NEIL1: variants seen among roughly 807,000 people sequenced by gnomAD.
NEIL1 encodes the protein nei like DNA glycosylase 1, also known as endonuclease 8-like 1.
In NEIL1, 31 loss-of-function variants were observed where a neutral mutation model predicts 44.2. The ratio of observed to expected loss-of-function variants is 0.70; its 90% CI spans 0.53 to 0.95. NEIL1 has a LOEUF of 0.95. Among genes scored for constraint, NEIL1 ranks in the 40% least tolerant of loss-of-function variants. The pLI, the probability that NEIL1 is intolerant of heterozygous loss-of-function variation, is 0.00. For missense variants in NEIL1, 549 were observed against 515.5 expected, an observed-to-expected ratio of 1.07 and a Z score of -0.63; for synonymous variants, 254 against 209.7, an observed-to-expected ratio of 1.21 and a Z score of -1.83.
At chr15:75,352,826 C>T in intron 5 of NEIL1, 125 bp downstream of exon 5, 1 of 746,252 alleles carries the variant, frequency 1.3e-6, no homozygotes, top group Non-Finnish European at 2.3e-6. Context: ...ACTCAATGGA[C>T]TAGGCCTCCT....
At position 75,352,653 on chromosome 15, in the gene NEIL1, G is replaced by T; in HGVS notation, c.670G>T (p.Asp224Tyr). The T allele has an allele frequency of 1.2e-6, 2 of 1,613,474 alleles. No homozygotes were observed. The highest frequency in any genetic ancestry group is 1.7e-6 in the Non-Finnish European group (2 of 1,179,722). ...QKIRTKLQNP[D>Y]LLELCHSVPK... Reference sequence around the variant, plus strand: ...GATAAGGACCAAGCTGCAGAATCCAGACCTGCTGGAGCTATGTCACTCAGT... The same window carrying T: ...GATAAGGACCAAGCTGCAGAATCCATACCTGCTGGAGCTATGTCACTCAGT... The change falls in exon 5 of 10, where the codon GAC (aspartate) becomes TAC (tyrosine). Residue 224 changes from aspartate (D) to tyrosine (Y), a missense_variant. Asp to Tyr is a radical substitution (Grantham distance 160, BLOSUM62 -3). Transcript: ENST00000355059.
At position 75,356,115 on chromosome 15, in the gene NEIL1, G is replaced by A. The variant is rs1426455057; in HGVS notation, c.*1081G>A. The A allele has an allele frequency of 5.0e-6, 8 of 1,613,896 alleles. No individual in the cohort carries two copies. The highest frequency in any genetic ancestry group is 5.9e-6 in the Non-Finnish European group (7 of 1,179,992). ...AATCCCACACCGCCACTCACAGGAT[G>A]GCCTCCTGAACCGGCAGCGACAAGT... On this transcript the variant is annotated 3_prime_UTR_variant, in exon 10 of 10. Coordinates refer to ENST00000355059, the MANE Select transcript of NEIL1 (RefSeq NM_024608.4). The surrounding 1 kb of genome is among the most constrained non-coding windows in gnomAD (Gnocchi z 5.8).
chr15:75,353,039 G>A (rs2072046900), intron 5 of NEIL1: 1 of 236,382 alleles, frequency 4.2e-6, no homozygotes, highest in Non-Finnish European at 8.4e-6. Context: ...TACTCGGGAG[G>A]ATGAGGCAGG....
Position 75,349,228 on chromosome 15 carries a change from C to T in NEIL1, c.323C>T (p.Pro108Leu), listed in dbSNP as rs375734699. 6.8e-6 allele frequency: 11 copies of T among 1,610,024 alleles called. No individual in the cohort carries two copies. In the African/African-American group the frequency reaches 9.3e-5, roughly 14 times the overall value. ...CGCTTTTACACGGCCCCGCCTGGCC[C>T]CCGGCTCGCCCTATGTTTCGTGGAC... ...HLRFYTAPPG[P>L]RLALCFVDIR... Residue 108 changes from proline to leucine, a missense_variant, in exon 2 of 10, where the codon CCC becomes CTC. Pro to Leu is a moderately conservative substitution (Grantham distance 98). Coordinates refer to ENST00000355059, the MANE Select transcript of NEIL1 (RefSeq NM_024608.4).
At position 75,349,192 on chromosome 15, in the gene NEIL1, A is replaced by G; in HGVS notation, c.287A>G (p.His96Arg). ...GTGCCCCGCGAGGAGCTGCCACGCC[A>G]TGCCCACCTGCGCTTTTACACGGCC... Reference protein sequence around the residue: ...QLVPREELPRHAHLRFYTAPP... With the variant: ...QLVPREELPRRAHLRFYTAPP... The change falls in exon 2 of 10, where the codon CAT becomes CGT. Residue 96 changes from histidine to arginine, a missense_variant. Coordinates refer to ENST00000355059, the MANE Select transcript of NEIL1 (RefSeq NM_024608.4). The G allele has an allele frequency of 6.2e-7, 1 of 1,609,216 alleles. No homozygotes were observed. The highest frequency in any genetic ancestry group is 8.5e-7 in the Non-Finnish European group (1 of 1,179,890).
intron 5 of NEIL1, chr15:75,352,942 C>G: frequency 2.3e-6 from 1 of 434,852 alleles, no homozygotes; most frequent in Non-Finnish European, 4.3e-6. Context: ...GAGTTCGAGA[C>G]CATCCTGGCC....
chr15:75,348,882 A>G lies in NEIL1; in HGVS notation c.-22-2A>G, dbSNP rs764089446. 1 of 1,605,656 alleles carries G rather than the reference A, an allele frequency of 6.2e-7. No individual in the cohort carries two copies. The highest frequency in any genetic ancestry group is 8.5e-7 in the Non-Finnish European group (1 of 1,177,688). ...TCAACCCGCTGCCTTCCTCCCCAAC[A>G]GGACTCTGCCACCCTCCCTCAGGAT... is the stretch of plus-strand genomic sequence containing the variant. On this transcript the variant is annotated splice_acceptor_variant, in intron 1 of 9. Coordinates refer to ENST00000355059, the MANE Select transcript of NEIL1 (RefSeq NM_024608.4). LOFTEE classifies it low-confidence loss of function (5UTR_SPLICE).
rs2072272636 is a variant in NEIL1, at chr15:75,355,773, A to AG, written c.*743dup. 68 of 1,072,814 alleles carry AG rather than the reference A, an allele frequency of 6.3e-5. No individual in the cohort carries two copies. The South Asian group carries it at 1.1e-3, about 17-fold the overall frequency. 66.5% of individuals were successfully genotyped at this position (1,072,814 alleles called of 1,614,324 possible). A position where few individuals can be genotyped will look rare whatever the true frequency, so the allele number is the denominator to read the frequency against. On this transcript the variant is annotated 3_prime_UTR_variant, in exon 10 of 10. Transcript: ENST00000355059. ...ACCCCAAGCGTGAGGATGGGCCCTA[A>AG]GGGGACTGAGCAGCAGGGTTCCCGA...
intron 2 of NEIL1, chr15:75,351,808 GAC>G: frequency 3.1e-6 from 1 of 325,436 alleles, no homozygotes; most frequent in East Asian, 7.8e-5. Context: ...TTTTAGTAGA[GAC>G]AGGGTTTCAC....
At position 75,353,803 on chromosome 15, in the gene NEIL1, C is replaced by T. The variant is rs754980778; in HGVS notation, c.783C>T (p.Arg261=). ...EDFAAFRAWL[R]CYGMPGMSSL... is the part of the protein sequence containing the mutation. Reference sequence around the variant, plus strand: ...TTGCTGCCTTTCGAGCCTGGCTGCGCTGCTATGGCATGCCAGGCATGAGCT... The same window carrying T: ...TTGCTGCCTTTCGAGCCTGGCTGCGTTGCTATGGCATGCCAGGCATGAGCT... Residue 261 remains arginine, a synonymous_variant, in exon 6 of 10, where the codon CGC becomes CGT. Transcript: ENST00000355059. The T allele has an allele frequency of 1.3e-5, 21 of 1,613,956 alleles. No homozygotes were observed. The highest frequency in any genetic ancestry group is 1.8e-5 in the Non-Finnish European group (21 of 1,180,008).
chr15:75,355,828 G>A lies in NEIL1; in HGVS notation c.*794G>A, dbSNP rs1595872141. Reference sequence around the variant, plus strand: ...AGGATTTATTCCACAAGAAAAGACTGATCCCTGCTTTAGGCTGGGGAAGCA... The same window carrying A: ...AGGATTTATTCCACAAGAAAAGACTAATCCCTGCTTTAGGCTGGGGAAGCA... On this transcript the variant is annotated 3_prime_UTR_variant, in exon 10 of 10. Coordinates refer to ENST00000355059, the MANE Select transcript of NEIL1 (RefSeq NM_024608.4). The A allele has an allele frequency of 1.2e-5, 19 of 1,547,346 alleles. No individual in the cohort carries two copies. In the East Asian group the frequency reaches 4.1e-4, roughly 33 times the overall value.
chr15:75,349,212 A>G lies in NEIL1; in HGVS notation c.307A>G (p.Thr103Ala), dbSNP rs777722689. ...LPRHAHLRFY[T>A]APPGPRLALC... ...ACGCCATGCCCACCTGCGCTTTTAC[A>G]CGGCCCCGCCTGGCCCCCGGCTCGC... Residue 103 changes from threonine (T) to alanine (A), a missense_variant, in exon 2 of 10, where the codon ACG becomes GCG. Thr to Ala is a moderately conservative substitution (Grantham distance 58). Coordinates refer to ENST00000355059, the MANE Select transcript of NEIL1 (RefSeq NM_024608.4). 6.2e-5 allele frequency: 99 copies of G among 1,608,934 alleles called. 1 individual carries two copies. The South Asian group carries it at 1.1e-3, about 17-fold the overall frequency.
In NEIL1 at chr15:75,356,946, CTT is replaced by C; in HGVS notation, c.*1914_*1915del. On this transcript the variant is annotated 3_prime_UTR_variant, in exon 10 of 10. Coordinates refer to ENST00000355059, the MANE Select transcript of NEIL1 (RefSeq NM_024608.4). The surrounding 1 kb of genome is among the most constrained non-coding windows in gnomAD (Gnocchi z 5.8). ...ACCCACTTGGTGGCCCTGTGCCCCT[CTT>C]TGTGCTCCCAGACTCCAGAGCTCCT... 1 of 1,519,444 alleles carries C rather than the reference CTT, an allele frequency of 6.6e-7. No homozygotes were observed. The highest frequency in any genetic ancestry group is 1.4e-5 in the African/African-American group (1 of 73,204). The allele number at this position is 1,519,444 out of a possible 1,614,324, so 94.1% of individuals were successfully genotyped here.
At position 75,348,265 on chromosome 15, in the gene NEIL1, G is replaced by A. The variant is rs527659534; in HGVS notation, c.-22-619G>A. 9.0e-4 allele frequency: 849 copies of A among 946,146 alleles called. 3 individuals are homozygous for A. The African/African-American group carries it at 0.013, about 15-fold the overall frequency. The allele number at this position is 946,146 out of a possible 1,614,324, so 58.6% of individuals were successfully genotyped here. A position where few individuals can be genotyped will look rare whatever the true frequency, so the allele number is the denominator to read the frequency against. On this transcript the variant is annotated intron_variant, in intron 1 of 9. Transcript: ENST00000355059. ...TGGGGCAGGCCCGGTTCTCGCTGCG[G>A]CCAAGCGGCCGATTCGGCCGCTCCC...
chr15:75,354,385 C>T, intron 7 of NEIL1, 46 bp from the exon 8 acceptor site: 1 of 1,613,286 alleles, frequency 6.2e-7, no homozygotes, highest in East Asian at 2.2e-5. Context: ...GGGAGTCACC[C>T]CTGGGCAGGA....
Position 75,354,277 on chromosome 15 carries a change from G to C in NEIL1, c.874G>C (p.Gly292Arg). 6.2e-7 allele frequency: 1 copy of C among 1,614,096 alleles called. No individual in the cohort carries two copies. The highest frequency in any genetic ancestry group is 8.5e-7 in the Non-Finnish European group (1 of 1,179,974). The change falls in exon 7 of 10, where the codon GGG (glycine) becomes CGG (arginine). Residue 292 changes from glycine (G) to arginine (R), a missense_variant and splice_region_variant. Coordinates refer to ENST00000355059, the MANE Select transcript of NEIL1 (RefSeq NM_024608.4). ...GGATCCTGGACCGTTGGCACCCAAA[G>C]GTAAGCTACTCCTAATGTAATAGGC... ...QGDPGPLAPK[G>R]RKSRKKKSKA...
At chr15:75,348,456 C>T (rs1270599873) in intron 1 of NEIL1, 2 of 1,023,704 alleles carry the variant, frequency 2.0e-6, no homozygotes, top group Admixed American at 5.1e-5. Flanking sequence ...ACAGCGTGTG[C>T]GGAGGGGGTG....
At chr15:75,354,359 A>AT in intron 7 of NEIL1, 72 bp from the exon 8 acceptor site, 1 of 1,611,316 alleles carries the variant, frequency 6.2e-7, no homozygotes, top group African/African-American at 1.3e-5. Context: ...TCTCCACCCT[A>AT]TCCCCCTGCA....
Position 75,357,009 on chromosome 15 carries a change from A to G in NEIL1, c.*1975A>G. 1.2e-6 allele frequency: 1 copy of G among 859,888 alleles called. No individual in the cohort carries two copies. 53.3% of individuals were successfully genotyped at this position (859,888 alleles called of 1,614,324 possible). On this transcript the variant is annotated 3_prime_UTR_variant, in exon 10 of 10. Transcript: ENST00000355059. ...CGAGCACAAGCTCTAGAACCACACA[A>G]CTGAACTCCAGCTCCCACTGTACGG...
Sources: gnomAD v4.1 joint callset for allele counts on GRCh38, gnomAD v4.1.1 for gene constraint, Gnocchi (gnomAD v3.1) non-coding constraint, MANE v1.5 for transcripts, NCBI Gene and HGNC (gene_info 2026-07-23, HGNC 2026-07-21) for gene names.